SMURF1: variants seen among roughly 807,000 people sequenced by gnomAD.
SMURF1 encodes E3 ubiquitin-protein ligase SMURF1.
SMURF1 carries 44 observed loss-of-function variants against 98.0 expected under a neutral mutation model. The observed-to-expected ratio is 0.45, with a 90% CI of 0.35 to 0.58. SMURF1 has a LOEUF of 0.58. Ranked by LOEUF, SMURF1 falls within the 20% of genes least tolerant of loss-of-function variation. SMURF1 has a pLI of 0.00. For synonymous variants in SMURF1, 396 were observed against 374.9 expected (o/e 1.06, Z -0.65); for missense variants, 687 against 938.4 (o/e 0.73, Z 3.50).
intron 7 of SMURF1, among the ~76,000 whole-genome samples, 162 bp downstream of exon 7, chr7:99,052,043 G>A (rs1246014219): frequency 6.6e-5 from 10 of 152,028 alleles, no homozygotes; most frequent in Non-Finnish European, 1.0e-4. Flanking sequence ...AGCTACTCGC[G>A]AGGATCGCTT....
chr7:99,056,610 C>A (rs1466036656), intron 5 of SMURF1, among the ~76,000 whole-genome samples: 3 of 152,078 alleles, frequency 2.0e-5, no homozygotes, highest in Non-Finnish European at 4.4e-5. Flanking sequence ...ATAATACGGT[C>A]AAAAATGTAT....
At chr7:99,077,005 CAAAA>C (rs1374169298) in intron 1 of SMURF1, among the ~76,000 whole-genome samples, 4 of 148,012 alleles carry the variant, frequency 2.7e-5, no homozygotes, top group South Asian at 4.2e-4. Context: ...AAAAAAAAAA[CAAAA>C]AAGGTTACAG....
chr7:99,074,739 T>C (rs1796411645), intron 1 of SMURF1, among the ~76,000 whole-genome samples: 1 of 151,926 alleles, frequency 6.6e-6, no homozygotes, highest in Non-Finnish European at 1.5e-5. Context: ...AATTAAAAAA[T>C]TGATATTTGG....
chr7:99,108,050 A>C (rs1797230034), intron 1 of SMURF1, among the ~76,000 whole-genome samples: 1 of 152,198 alleles, frequency 6.6e-6, no homozygotes, highest in Admixed American at 6.5e-5. Context: ...CACAAGTTTA[A>C]GAAAATCCCT....
At chr7:99,055,986 C>G (rs1194506841) in intron 5 of SMURF1, among the ~76,000 whole-genome samples, 1 of 152,174 alleles carries the variant, frequency 6.6e-6, no homozygotes, top group Non-Finnish European at 1.5e-5. Context: ...TGAATAAAGA[C>G]ACAGAGAGTA....
intron 1 of SMURF1, among the ~76,000 whole-genome samples, chr7:99,099,886 C>A (rs1673829943): frequency 6.6e-6 from 1 of 152,140 alleles, no homozygotes; most frequent in Non-Finnish European, 1.5e-5. Context: ...AACTTTCCAA[C>A]CCCCAGAATC....
chr7:99,063,300 TATATAAA>T (rs1563012938), intron 1 of SMURF1, among the ~76,000 whole-genome samples: 4 of 29,492 alleles, frequency 1.4e-4, no homozygotes, highest in South Asian at 1.1e-3. Flanking sequence ...TATATATATA[TATATAAA>T]AAGAGACAGG....
rs115671061 is a variant in SMURF1 at position 99,074,213 on chromosome 7, C to T, written c.56-12376G>A. Among the ~76,000 whole-genome samples the T allele has an allele frequency of 6.2e-3, 946 of 152,254 alleles. 11 individuals are homozygous for T. The highest frequency in any genetic ancestry group is 0.021 in the African/African-American group (879 of 41,552). Reference sequence around the variant, plus strand: ...CAGGATAAGGTAATGACCTGAAGGACGCATGAAGAAGGTGACTGGGGAACT... The same window carrying T: ...CAGGATAAGGTAATGACCTGAAGGATGCATGAAGAAGGTGACTGGGGAACT... On this transcript the variant is annotated intron_variant, in intron 1 of 17. Transcript: ENST00000361368.
At chr7:99,044,078 A>C (rs1463456778) in intron 11 of SMURF1, among the ~76,000 whole-genome samples, 1 of 152,158 alleles carries the variant, frequency 6.6e-6, no homozygotes, top group East Asian at 1.9e-4. Context: ...GAGGGAAGCC[A>C]AGGCGGGAGG....
chr7:99,037,041 G>C (rs1795173090), intron 15 of SMURF1, 26 bp downstream of exon 15: 4 of 1,612,808 alleles, frequency 2.5e-6, no homozygotes, highest in African/African-American at 1.3e-5. Flanking sequence ...GACGCCCTGG[G>C]TCGACTCCGC....
chr7:99,107,215 T>C (rs1262367570), intron 1 of SMURF1, among the ~76,000 whole-genome samples: 1 of 152,190 alleles, frequency 6.6e-6, no homozygotes, highest in Non-Finnish European at 1.5e-5. Flanking sequence ...GGGGAGCCTC[T>C]TATAGAAAGC....
chr7:99,102,323 A>G (rs546217168), intron 1 of SMURF1, among the ~76,000 whole-genome samples: 66 of 152,368 alleles, frequency 4.3e-4, no homozygotes, highest in African/African-American at 1.6e-3. Flanking sequence ...TATCCACTCA[A>G]TAGTTAAAAT....
intron 11 of SMURF1, among the ~76,000 whole-genome samples, chr7:99,045,159 A>T (rs1795531696): frequency 6.6e-6 from 1 of 152,152 alleles, no homozygotes; most frequent in South Asian, 2.1e-4. Context: ...AAAAAAAAAA[A>T]ATTGTCTTGA....
In SMURF1 at chr7:99,030,245, C is replaced by T. The variant is rs1397007686; in HGVS notation, c.*339G>A. On this transcript the variant is annotated 3_prime_UTR_variant, in exon 18 of 18. Transcript: ENST00000361368. ...CCAGTCCCCTAACTGTGAGTTGATG[C>T]TCCCGTAAAGAGCTCAGGGCTGTGA... The T allele has an allele frequency of 1.3e-5, 3 of 226,454 alleles. No homozygotes were observed. Among genetic ancestry groups the T allele is most frequent in the East Asian group, 1.0e-4 (1 of 10,018 alleles). The allele number at this position is 226,454 out of a possible 1,614,324, so 14.0% of individuals were successfully genotyped here.
intron 8 of SMURF1, chr7:99,050,034 C>T (rs1246336635): frequency 5.0e-6 from 1 of 200,414 alleles, no homozygotes; most frequent in African/African-American, 2.3e-5. Context: ...TGATGAAACC[C>T]TGTCTCTACT....
rs148949292 is a variant in SMURF1 at position 99,043,822 on chromosome 7, C to T, written c.1257-1590G>A. ...AGAAACATCACACCACACAACCATG[C>T]GGTGGTCACAGCATGACAAGGGAGG... On this transcript the variant is annotated intron_variant, in intron 11 of 17. Coordinates refer to ENST00000361368, the MANE Select transcript of SMURF1 (RefSeq NM_181349.3). Among the ~76,000 whole-genome samples, 1,096 of 152,186 alleles carry T rather than the reference C, an allele frequency of 7.2e-3. 43 individuals carry two copies. Among genetic ancestry groups the T allele is most frequent in the Admixed American group, 0.06 (917 of 15,276 alleles).
At chr7:99,141,350 T>G (rs915637621) in intron 1 of SMURF1, among the ~76,000 whole-genome samples, 2 of 152,228 alleles carry the variant, frequency 1.3e-5, no homozygotes, top group African/African-American at 4.8e-5. Context: ...ATTCATCATA[T>G]TTCTAACACA....
chr7:99,039,515 A>T (rs1267914005), intron 13 of SMURF1, among the ~76,000 whole-genome samples: 6 of 151,890 alleles, frequency 4.0e-5, no homozygotes, highest in African/African-American at 1.5e-4. Flanking sequence ...GCTTTTTAAA[A>T]TTTTTTTAAT....
At chr7:99,104,928 TG>T (rs1343991218) in intron 1 of SMURF1, among the ~76,000 whole-genome samples, 1 of 152,228 alleles carries the variant, frequency 6.6e-6, no homozygotes, top group Non-Finnish European at 1.5e-5. Context: ...CCAAGTTTGG[TG>T]CCCAGCCACT....
Sources: gnomAD v4.1 joint callset for allele counts (sites outside exome capture counted in the v4.1 genomes callset) on GRCh38, gnomAD v4.1.1 for gene constraint, MANE v1.5 for transcripts, NCBI Gene and HGNC (gene_info 2026-07-23, HGNC 2026-07-21) for gene names.